Variants in RAPGEFL1 observed in about 807,000 individuals in gnomAD.
RAPGEFL1 encodes rap guanine nucleotide exchange factor-like 1.
Under a neutral mutation model 64.4 loss-of-function variants are expected in RAPGEFL1, and 31 were observed. That is an observed-to-expected ratio of 0.48 (90% CI 0.36 to 0.65). The LOEUF is 0.65. RAPGEFL1 is among the 30% of genes least tolerant of loss of function. RAPGEFL1 has a pLI of 0.00. For missense variants in RAPGEFL1, 682 were observed against 677.4 expected, an observed-to-expected ratio of 1.01 and a Z score of -0.08; for synonymous variants, 331 against 274.1, an observed-to-expected ratio of 1.21 and a Z score of -2.05.
chr17:40,181,285 A>C, intron 1 of RAPGEFL1: 1 of 490,712 alleles, frequency 2.0e-6, no homozygotes, highest in Non-Finnish European at 4.0e-6. Context: ...TCTGTGGGCT[A>C]CTTCTTTTTT....
At position 40,194,858 on chromosome 17, in the gene RAPGEFL1, CAGGCAGCCCCAAAGTGGGGG is replaced by C. The variant is rs1204606211; in HGVS notation, c.*1074_*1093del. The C allele has an allele frequency of 6.6e-6, 1 of 152,516 alleles. No individual in the cohort carries two copies. Among genetic ancestry groups the C allele is most frequent in the Non-Finnish European group, 1.5e-5 (1 of 68,156 alleles). The allele number at this position is 152,516 out of a possible 1,614,324, so 9.4% of individuals were successfully genotyped here. On this transcript the variant is annotated 3_prime_UTR_variant, in exon 15 of 15. Transcript: ENST00000620260. ...GTGGGGTGGATCCCTATACCTGGGG[CAGGCAGCCCCAAAGTGGGGG>C]AGGGGGATGGCAGAGACTGTAAAGG...
intron 6 of RAPGEFL1, among the ~76,000 whole-genome samples, chr17:40,190,081 T>G (rs1454309439): frequency 6.6e-6 from 1 of 152,168 alleles, no homozygotes; most frequent in Non-Finnish European, 1.5e-5. Flanking sequence ...GGATGCCACA[T>G]TTCACAGGCT....
rs957252191 is a variant in RAPGEFL1, at chr17:40,191,880, T to G, written c.1605+208T>G. On this transcript the variant is annotated intron_variant, in intron 10 of 14. Transcript: ENST00000620260. This position sits in a 1 kb window ranked among gnomAD's most constrained non-coding sequence, Gnocchi z 5.1. ...ATTAGTGAAAAGCCCGGATCCCGCC[T>G]GAGTCACGGCAGGCAGCCCTTGGCC... 6.6e-6 allele frequency among the ~76,000 whole-genome samples: 1 copy of G among 152,228 alleles called. No homozygotes were observed. Among genetic ancestry groups the G allele is most frequent in the Non-Finnish European group, 1.5e-5 (1 of 68,042 alleles).
chr17:40,193,860 A>C lies in RAPGEFL1; in HGVS notation c.*72A>C. On this transcript the variant is annotated 3_prime_UTR_variant, in exon 15 of 15. Coordinates refer to ENST00000620260, the MANE Select transcript of RAPGEFL1 (RefSeq NM_016339.6). ...CTCAAGCACTTTGCACGATGTCTCA[A>C]CCAACATCTGACATCTTTCCCGTGG... The C allele has an allele frequency of 1.3e-6, 2 of 1,593,708 alleles. No individual in the cohort carries two copies. The highest frequency in any genetic ancestry group is 1.7e-6 in the Non-Finnish European group (2 of 1,166,434).
In RAPGEFL1 at chr17:40,191,716, C is replaced by T. The variant is rs1490127500; in HGVS notation, c.1605+44C>T. ...TTCCTACCTGGGAATCTGGGCATCC[C>T]GGGCTCCCCGAAGTGCGTCCTCCCG... On this transcript the variant is annotated intron_variant, in intron 10 of 14. Coordinates refer to ENST00000620260, the MANE Select transcript of RAPGEFL1 (RefSeq NM_016339.6). The surrounding 1 kb of genome is among the most constrained non-coding windows in gnomAD (Gnocchi z 5.1). 5 of 1,567,484 alleles carry T rather than the reference C, an allele frequency of 3.2e-6. No individual in the cohort carries two copies. The highest frequency in any genetic ancestry group is 1.2e-5 in the South Asian group (1 of 86,434).
At position 40,191,515 on chromosome 17, in the gene RAPGEFL1, G is replaced by GA; in HGVS notation, c.1514+22dup. ...GCCCTGTGAGTGCGGCCGTCGGCGG[G>GA]ATGGGGGGCCGGAGGCCGGAGGCCC... On this transcript the variant is annotated intron_variant, in intron 9 of 14. Transcript: ENST00000620260. This position sits in a 1 kb window ranked among gnomAD's most constrained non-coding sequence, Gnocchi z 5.1. 4 of 1,587,646 alleles carry GA rather than the reference G, an allele frequency of 2.5e-6. No homozygotes were observed. The highest frequency in any genetic ancestry group is 3.4e-6 in the Non-Finnish European group (4 of 1,169,804).
chr17:40,192,445 G>T (rs1163921210), intron 11 of RAPGEFL1, among the ~76,000 whole-genome samples, 161 bp from the exon 12 acceptor site: 1 of 151,934 alleles, frequency 6.6e-6, no homozygotes, highest in Non-Finnish European at 1.5e-5. Context: ...TGAAGGAAAG[G>T]GGGAGTAGTC....
rs1302288851 is a variant in RAPGEFL1 at position 40,177,471 on chromosome 17, C to G, written c.-391C>G. On this transcript the variant is annotated 5_prime_UTR_variant, in exon 1 of 15. Transcript: ENST00000620260. ...GGGGGCGCGGTCTCGGTTCTGCCAC[C>G]TTCCCCCTCTTCACGGCCAGGAGCG... 1.7e-5 allele frequency: 11 copies of G among 634,096 alleles called. No individual in the cohort carries two copies. The highest frequency in any genetic ancestry group is 5.5e-5 in the African/African-American group (3 of 54,784). 39.3% of individuals were successfully genotyped at this position (634,096 alleles called of 1,614,324 possible).
Position 40,190,637 on chromosome 17 carries a change from C to T in RAPGEFL1, c.1213-3C>T. On this transcript the variant is annotated splice_polypyrimidine_tract_variant and splice_region_variant and intron_variant, in intron 7 of 14. Transcript: ENST00000620260. ...CAGCCCCTATGCCCCTGCCTGCCAC[C>T]AGGTGCCCCTCCCCGAGGAGATCCA... 6.2e-7 allele frequency: 1 copy of T among 1,614,082 alleles called. No homozygotes were observed. Among genetic ancestry groups the T allele is most frequent in the Non-Finnish European group, 8.5e-7 (1 of 1,179,934 alleles).
intron 1 of RAPGEFL1, among the ~76,000 whole-genome samples, chr17:40,180,595 C>T (rs79161382): frequency 6.6e-6 from 1 of 152,316 alleles, no homozygotes; most frequent in African/African-American, 2.4e-5. Context: ...CTGCTTGCCT[C>T]AGGCATATTG....
chr17:40,177,901 C>G lies in RAPGEFL1; in HGVS notation c.40C>G (p.Gln14Glu), dbSNP rs1437576097. Residue 14 changes from glutamine to glutamate, a missense_variant, in exon 1 of 15, where the codon CAG becomes GAG. Transcript: ENST00000620260. ...LEKFLKKQTS[Q>E]LAGRTVAGGP... is the part of the protein sequence containing the mutation. Reference sequence around the variant, plus strand: ...GAAATTTCTGAAGAAGCAGACGTCGCAGCTGGCGGGCCGAACGGTGGCGGG... The same window carrying G: ...GAAATTTCTGAAGAAGCAGACGTCGGAGCTGGCGGGCCGAACGGTGGCGGG... 1 of 424,866 alleles carries G rather than the reference C, an allele frequency of 2.4e-6. No individual in the cohort carries two copies. Among genetic ancestry groups the G allele is most frequent in the African/African-American group, 2.1e-5 (1 of 48,710 alleles). 26.3% of individuals were successfully genotyped at this position (424,866 alleles called of 1,614,324 possible). A position where few individuals can be genotyped will look rare whatever the true frequency, so the allele number is the denominator to read the frequency against.
chr17:40,184,824 G>C, intron 4 of RAPGEFL1, 146 bp downstream of exon 4: 3 of 603,956 alleles, frequency 5.0e-6, no homozygotes, highest in Non-Finnish European at 8.8e-6. Flanking sequence ...TTGTCGCCTA[G>C]GCTGGAGAGC....
chr17:40,183,605 C>G (rs534165269), intron 2 of RAPGEFL1, among the ~76,000 whole-genome samples: 1 of 146,840 alleles, frequency 6.8e-6, no homozygotes, highest in Admixed American at 6.8e-5. Flanking sequence ...CTGCAACCTC[C>G]GCCTCCCGGG....
intron 4 of RAPGEFL1, among the ~76,000 whole-genome samples, chr17:40,187,406 C>G (rs1328209765): frequency 2.0e-5 from 3 of 152,122 alleles, no homozygotes; most frequent in Non-Finnish European, 2.9e-5. Flanking sequence ...ATCTTTCATG[C>G]TCCTGTTCCA....
At chr17:40,192,073 T>A in intron 10 of RAPGEFL1, 140 bp from the exon 11 acceptor site, 2 of 759,850 alleles carry the variant, frequency 2.6e-6, no homozygotes, top group South Asian at 3.2e-5. Flanking sequence ...CTGACTTCAT[T>A]TCCCCACCCA....
intron 4 of RAPGEFL1, 87 bp from the exon 5 acceptor site, chr17:40,188,779 T>G: frequency 2.8e-6 from 3 of 1,053,034 alleles, no homozygotes; most frequent in South Asian, 1.3e-5. Context: ...GACCCAATTC[T>G]GATATTCTTG....
intron 10 of RAPGEFL1, 148 bp from the exon 11 acceptor site, chr17:40,192,065 G>A: frequency 4.1e-6 from 3 of 728,788 alleles, no homozygotes; most frequent in Non-Finnish European, 7.3e-6. Context: ...GCCAAGGCCT[G>A]ACTTCATTTC....
chr17:40,178,550 G>A (rs571045846), intron 1 of RAPGEFL1, among the ~76,000 whole-genome samples, 169 bp downstream of exon 1: 1 of 152,314 alleles, frequency 6.6e-6, no homozygotes, highest in East Asian at 1.9e-4. Context: ...CGCGGAAGAG[G>A]AGAGCAGTAC....
Position 40,178,089 on chromosome 17 carries a change from G to A in RAPGEFL1, c.228G>A (p.Gly76=). The change falls in exon 1 of 15, where the codon GGG becomes GGA. Residue 76 remains glycine, a synonymous_variant. Coordinates refer to ENST00000620260, the MANE Select transcript of RAPGEFL1 (RefSeq NM_016339.6). ...TCCGGGAGCCCCCCGCCGAGCCGGG[G>A]CTGGAGCCGCCCCCTGAGGAGGAAG... ...AFLREPPAEP[G]LEPPPEEEGG... is the part of the protein sequence containing the mutation. The A allele has an allele frequency of 1.7e-6, 1 of 601,138 alleles. No individual in the cohort carries two copies. Among genetic ancestry groups the A allele is most frequent in the Admixed American group, 2.8e-5 (1 of 35,160 alleles). 37.2% of individuals were successfully genotyped at this position (601,138 alleles called of 1,614,324 possible). A position where few individuals can be genotyped will look rare whatever the true frequency, so the allele number is the denominator to read the frequency against.
Sources: allele counts gnomAD v4.1 joint callset (sites outside exome capture counted in the v4.1 genomes callset), GRCh38; gene constraint gnomAD v4.1.1; non-coding constraint Gnocchi (gnomAD v3.1); transcripts MANE v1.5; gene names NCBI Gene and HGNC (gene_info 2026-07-23, HGNC 2026-07-21).